Variants in PLCL1 observed in about 807,000 individuals in gnomAD.
PLCL1 encodes the protein phospholipase C like 1 (inactive), also known as inactive phospholipase C-like protein 1.
A neutral mutation model predicts 84.4 loss-of-function variants in PLCL1; 41 were observed. That is an observed-to-expected ratio of 0.49 (90% CI 0.38 to 0.63). PLCL1 has a LOEUF of 0.63. Among genes scored for constraint, PLCL1 ranks in the 30% least tolerant of loss-of-function variants. The pLI is 0.00. For synonymous variants in PLCL1, 490 were observed against 488.3 expected (o/e 1.00, Z -0.05); for missense variants, 1,206 against 1,367.8 (o/e 0.88, Z 1.87).
At position 197,851,282 on chromosome 2, in the gene PLCL1, G is replaced by A. The variant is rs1235589789; in HGVS notation, c.240+45943G>A. On this transcript the variant is annotated intron_variant, in intron 1 of 5. Coordinates refer to ENST00000428675, the MANE Select transcript of PLCL1 (RefSeq NM_006226.4). The stretch of plus-strand genomic sequence containing the variant: ...TTGTAAACATGAAGATAGGATTTCC[G>A]GAAACTTCAGACTTTGGGAGCAGTT... Among the ~76,000 whole-genome samples, 5 of 152,252 alleles carry A rather than the reference G, an allele frequency of 3.3e-5. No individual in the cohort carries two copies. The South Asian group carries it at 6.2e-4, about 19-fold the overall frequency.
intron 1 of PLCL1, among the ~76,000 whole-genome samples, chr2:197,934,047 A>C (rs1425281802): frequency 1.3e-5 from 2 of 152,204 alleles, no homozygotes; most frequent in Admixed American, 6.5e-5. Context: ...CTTAACTCTA[A>C]TGCATCTCAT....
chr2:197,816,066 T>C (rs1690680594), intron 1 of PLCL1, among the ~76,000 whole-genome samples: 1 of 152,190 alleles, frequency 6.6e-6, no homozygotes, highest in South Asian at 2.1e-4. Context: ...AGTAAAATGC[T>C]ATCAAACAGC....
intron 1 of PLCL1, among the ~76,000 whole-genome samples, chr2:197,998,494 T>G (rs1471356180): frequency 6.6e-6 from 1 of 152,134 alleles, no homozygotes; most frequent in Admixed American, 6.5e-5. Flanking sequence ...ATTTGTCCCT[T>G]CATCTCTAGC....
chr2:198,059,070 C>G (rs935619592), intron 1 of PLCL1, among the ~76,000 whole-genome samples: 2 of 152,118 alleles, frequency 1.3e-5, no homozygotes, highest in Admixed American at 1.3e-4. Context: ...ATTACTACCC[C>G]CTGAACACTT....
In PLCL1 at chr2:198,084,593, G is replaced by T. The variant is rs1429970146; in HGVS notation, c.1076G>T (p.Arg359Ile). The T allele has an allele frequency of 1.9e-6, 3 of 1,613,826 alleles. No individual in the cohort carries two copies. The African/African-American group carries it at 4.0e-5, about 22-fold the overall frequency. Reference sequence around the variant, plus strand: ...GATATATGCTTAGACATCATAAGGAGATACGAACTTTCTGAAGAGGGACGT... The same window carrying T: ...GATATATGCTTAGACATCATAAGGATATACGAACTTTCTGAAGAGGGACGT... ...TEDICLDIIR[R>I]YELSEEGRQK... Residue 359 changes from arginine to isoleucine, a missense_variant, in exon 2 of 6, where the codon AGA becomes ATA. Arg to Ile is a moderately conservative substitution (Grantham distance 97). Coordinates refer to ENST00000428675, the MANE Select transcript of PLCL1 (RefSeq NM_006226.4).
intron 5 of PLCL1, among the ~76,000 whole-genome samples, chr2:198,123,324 A>T (rs1354880968): frequency 6.6e-6 from 1 of 152,038 alleles, no homozygotes; most frequent in South Asian, 2.1e-4. Flanking sequence ...TATGGACTTG[A>T]TGGTGTCCCC....
intron 1 of PLCL1, among the ~76,000 whole-genome samples, chr2:197,871,741 A>C (rs996664650): frequency 6.6e-6 from 1 of 152,092 alleles, no homozygotes; most frequent in Admixed American, 6.6e-5. Context: ...ACCTAAATTA[A>C]GTTAGGTGCA....
intron 1 of PLCL1, among the ~76,000 whole-genome samples, chr2:198,005,840 A>G (rs1690716760): frequency 6.6e-6 from 1 of 152,222 alleles, no homozygotes; most frequent in African/African-American, 2.4e-5. Flanking sequence ...GGGACTGAGG[A>G]CTTCTTTTTA....
intron 1 of PLCL1, among the ~76,000 whole-genome samples, chr2:197,888,676 A>G (rs1285912263): frequency 6.6e-6 from 1 of 152,240 alleles, no homozygotes; most frequent in Non-Finnish European, 1.5e-5. Context: ...TTACTGAACT[A>G]TCTTGCATAT....
chr2:197,930,552 C>T (rs559734706), intron 1 of PLCL1, among the ~76,000 whole-genome samples: 2 of 152,076 alleles, frequency 1.3e-5, no homozygotes, highest in African/African-American at 2.4e-5. Flanking sequence ...AAAGAGGCCT[C>T]GTTTTCCTAC....
chr2:198,148,120 C>T lies in PLCL1; in HGVS notation c.*1158C>T, dbSNP rs1221468282. ...ATAATTGCATCTAGGTAATTTTTAC[C>T]CTAATGTCTTCATAAAGTACTTGAG... is the stretch of plus-strand genomic sequence containing the variant. On this transcript the variant is annotated 3_prime_UTR_variant, in exon 6 of 6. Coordinates refer to ENST00000428675, the MANE Select transcript of PLCL1 (RefSeq NM_006226.4). The T allele has an allele frequency of 6.6e-6, 1 of 152,092 alleles. No homozygotes were observed. The highest frequency in any genetic ancestry group is 1.5e-5 in the Non-Finnish European group (1 of 67,960). 9.4% of individuals were successfully genotyped at this position (152,092 alleles called of 1,614,324 possible). A position where few individuals can be genotyped will look rare whatever the true frequency, so the allele number is the denominator to read the frequency against.
intron 1 of PLCL1, among the ~76,000 whole-genome samples, chr2:197,923,602 C>T (rs1172627146): frequency 9.4e-5 from 14 of 148,162 alleles, no homozygotes; most frequent in Non-Finnish European, 1.7e-4. Flanking sequence ...GATGTGATGG[C>T]GGCTGGGAAG....
intron 1 of PLCL1, among the ~76,000 whole-genome samples, chr2:197,945,513 C>G (rs1689255294): frequency 6.6e-6 from 1 of 152,128 alleles, no homozygotes; most frequent in Non-Finnish European, 1.5e-5. Context: ...ATTGCTTTTT[C>G]TATTTCACGG....
chr2:197,954,828 A>C (rs1170714403), intron 1 of PLCL1, among the ~76,000 whole-genome samples: 1 of 152,092 alleles, frequency 6.6e-6, no homozygotes, highest in East Asian at 1.9e-4. Flanking sequence ...AGGAACTAAC[A>C]ATCAGTGATA....
At chr2:198,119,164 AG>A (rs1693815531) in intron 5 of PLCL1, among the ~76,000 whole-genome samples, 2 of 152,166 alleles carry the variant, frequency 1.3e-5, no homozygotes, top group Non-Finnish European at 2.9e-5. Flanking sequence ...CAGAAACTGT[AG>A]GCATTTGGAA....
intron 5 of PLCL1, among the ~76,000 whole-genome samples, chr2:198,133,025 C>T (rs1694158877): frequency 1.3e-5 from 2 of 151,392 alleles, no homozygotes; most frequent in Admixed American, 6.6e-5. Context: ...AGGAAGGGAT[C>T]CAGTTTCAGC....
intron 1 of PLCL1, among the ~76,000 whole-genome samples, chr2:198,082,350 A>G (rs558172980): frequency 6.6e-6 from 1 of 152,222 alleles, no homozygotes; most frequent in Admixed American, 6.5e-5. Context: ...AGGCTGAGGC[A>G]GGAGAATCGC....
intron 1 of PLCL1, among the ~76,000 whole-genome samples, chr2:197,830,675 C>T (rs941791088): frequency 2.0e-5 from 3 of 152,018 alleles, no homozygotes; most frequent in Non-Finnish European, 4.4e-5. Flanking sequence ...CAGAGAATAC[C>T]ACAAAGATAC....
chr2:198,068,981 G>A (rs1692400263), intron 1 of PLCL1, among the ~76,000 whole-genome samples: 1 of 152,092 alleles, frequency 6.6e-6, no homozygotes, highest in African/African-American at 2.4e-5. Context: ...GTTGCAGTGA[G>A]CTGAGGTTGC....
Sources: allele counts gnomAD v4.1 joint callset (sites outside exome capture counted in the v4.1 genomes callset), GRCh38; gene constraint gnomAD v4.1.1; transcripts MANE v1.5; gene names NCBI Gene and HGNC (gene_info 2026-07-23, HGNC 2026-07-21).